The following SNX19 variants were observed in gnomAD, a reference collection of about 807,000 sequenced individuals.
SNX19 encodes sorting nexin 19.
A neutral mutation model predicts 85.2 loss-of-function variants in SNX19; 60 were observed. The observed-to-expected ratio is 0.70, with a 90% CI of 0.57 to 0.87. The LOEUF (loss-of-function observed/expected upper bound fraction) is 0.87. Ranked by LOEUF, SNX19 falls within the 40% of genes least tolerant of loss-of-function variation. SNX19 has a pLI of 0.00. For synonymous variants in SNX19, 520 were observed against 470.0 expected, an observed-to-expected ratio of 1.11 and a Z score of -1.38; for missense variants, 1,201 against 1,217.8, an observed-to-expected ratio of 0.99 and a Z score of 0.21.
At chr11:130,901,474 G>T (rs1012926678) in intron 8 of SNX19, among the ~76,000 whole-genome samples, 2 of 152,158 alleles carry the variant, frequency 1.3e-5, no homozygotes, top group Admixed American at 6.5e-5. Flanking sequence ...GGAAAAGTTA[G>T]GAACACATGG....
intron 8 of SNX19, chr11:130,893,869 C>T (rs1258094256): frequency 1.4e-6 from 1 of 699,878 alleles, no homozygotes. Context: ...TATTTCCCAC[C>T]AATTTACCCA....
rs1942826202 is a variant in SNX19, at chr11:130,867,674, CTGAGA to C, written c.*10743_*10747del. ...CAAATGAGGTGGAAGAAAATCTCTA[CTGAGA>C]TGAGATGCATTTTTAGGACAAACAT... On this transcript the variant is annotated 3_prime_UTR_variant, in exon 11 of 11. Transcript: ENST00000265909. 6.6e-6 allele frequency: 1 copy of C among 152,180 alleles called. No homozygotes were observed. The highest frequency in any genetic ancestry group is 2.1e-4 in the South Asian group (1 of 4,818). The allele number at this position is 152,180 out of a possible 1,614,324, so 9.4% of individuals were successfully genotyped here.
rs775063380 is a variant in SNX19 at position 130,915,406 on chromosome 11, C to G, written c.534G>C (p.Gly178=). 6.2e-7 allele frequency: 1 copy of G among 1,613,830 alleles called. No homozygotes were observed. The highest frequency in any genetic ancestry group is 1.3e-5 in the African/African-American group (1 of 74,942). The stretch of plus-strand genomic sequence containing the variant: ...GGGAAGGCTCAACTGGACCATTCTT[C>G]CCTGCAGTGGCCTCCTTTGCCTGAA... ...SYIQAKEATA[G]KNGPVEPSHL... The change falls in exon 1 of 11, where the codon GGG becomes GGC. Residue 178 remains glycine (G), a synonymous_variant. Coordinates refer to ENST00000265909, the MANE Select transcript of SNX19 (RefSeq NM_014758.3).
At chr11:130,885,218 C>T (rs1943972915) in intron 8 of SNX19, among the ~76,000 whole-genome samples, 1 of 152,158 alleles carries the variant, frequency 6.6e-6, no homozygotes, top group Admixed American at 6.5e-5. Flanking sequence ...CACATTTTGA[C>T]CCCAAGACAT....
At chr11:130,895,954 C>T (rs931809500) in intron 8 of SNX19, among the ~76,000 whole-genome samples, 1 of 152,210 alleles carries the variant, frequency 6.6e-6, no homozygotes, top group Non-Finnish European at 1.5e-5. Context: ...AAGTCAAGAG[C>T]TTCCCTTTGG....
intron 8 of SNX19, among the ~76,000 whole-genome samples, chr11:130,897,685 C>A (rs905666089): frequency 5.9e-5 from 9 of 152,194 alleles, no homozygotes; most frequent in South Asian, 2.1e-4. Flanking sequence ...AAACCCCCTA[C>A]CATCAATGCA....
chr11:130,888,426 A>G (rs1944244007), intron 8 of SNX19, among the ~76,000 whole-genome samples: 1 of 152,204 alleles, frequency 6.6e-6, no homozygotes, highest in African/African-American at 2.4e-5. Context: ...GACTAGCCAC[A>G]AATTACTTAA....
In SNX19 at chr11:130,911,194, C is replaced by CAA. The variant is rs540152421; in HGVS notation, c.1813+437_1813+438dup. Among the ~76,000 whole-genome samples, 78 of 81,028 alleles carry CAA rather than the reference C, an allele frequency of 9.6e-4. 3 individuals are homozygous for CAA. The highest frequency in any genetic ancestry group is 6.2e-3 in the Middle Eastern group (1 of 162). The allele number at this position is 81,028 out of a possible 152,430, so 53.2% of individuals were successfully genotyped here. On this transcript the variant is annotated intron_variant, in intron 2 of 10. Transcript: ENST00000265909. The stretch of plus-strand genomic sequence containing the variant: ...TGGGGGACAGAGCGAGACTCCATGT[C>CAA]AAAAAAAAAAAAAAAAGGTTCCCCA...
At chr11:130,885,140 T>TG (rs1160608807) in intron 8 of SNX19, among the ~76,000 whole-genome samples, 1 of 152,110 alleles carries the variant, frequency 6.6e-6, no homozygotes, top group East Asian at 1.9e-4. Flanking sequence ...CATCTCTGAA[T>TG]GATTCAGAGC....
At chr11:130,878,991 G>A (rs1013146025) in intron 10 of SNX19, among the ~76,000 whole-genome samples, 10 of 152,148 alleles carry the variant, frequency 6.6e-5, no homozygotes, top group African/African-American at 2.2e-4. Context: ...GTCTACTTTG[G>A]GGTAGGGTTT....
chr11:130,890,737 T>C (rs1392623821), intron 8 of SNX19, among the ~76,000 whole-genome samples: 1 of 152,174 alleles, frequency 6.6e-6, no homozygotes, highest in Non-Finnish European at 1.5e-5. Flanking sequence ...TGTCATCTAC[T>C]ATAAGCCTTC....
At chr11:130,890,882 A>AT (rs11423093) in intron 8 of SNX19, among the ~76,000 whole-genome samples, 147,968 of 147,992 alleles carry the variant, frequency 1, 73,972 homozygotes, top group Middle Eastern at 1. Context: ...TATGGTAGGG[A>AT]TTTGGGTCTT....
At chr11:130,898,587 G>A (rs558863086) in intron 8 of SNX19, among the ~76,000 whole-genome samples, 11 of 152,274 alleles carry the variant, frequency 7.2e-5, no homozygotes, top group African/African-American at 2.6e-4. Context: ...GGGAGGCAAC[G>A]GGACCTCATA....
Position 130,915,567 on chromosome 11 carries a change from G to C in SNX19, c.373C>G (p.Pro125Ala), listed in dbSNP as rs779453103. The change falls in exon 1 of 11, where the codon CCA (proline) becomes GCA (alanine). Residue 125 changes from proline (P) to alanine (A), a missense_variant. By Grantham distance (27) the Pro-to-Ala change is conservative (BLOSUM62 -1). Around this residue, in one of 3 missense-constraint regions of SNX19, gnomAD observed 791 missense variants for 750.9 expected, o/e 1.05. Transcript: ENST00000265909. ...LSWYRSVSQEPAFEEEMEAAM... is the reference protein window; with the variant it reads ...LSWYRSVSQEAAFEEEMEAAM... ...GCCTCCATTTCTTCCTCAAAGGCTG[G>C]CTCCTGGCTCACGGAACGGTACCAA... 1 of 1,614,228 alleles carries C rather than the reference G, an allele frequency of 6.2e-7. No individual in the cohort carries two copies. The highest frequency in any genetic ancestry group is 8.5e-7 in the Non-Finnish European group (1 of 1,180,036).
intron 8 of SNX19, chr11:130,895,169 G>C (rs943621061): frequency 2.0e-6 from 2 of 985,458 alleles, no homozygotes; most frequent in Non-Finnish European, 2.4e-6. Flanking sequence ...TTGGAAAGGA[G>C]AGAGCCATTA....
At chr11:130,883,786 A>C (rs555177877) in intron 8 of SNX19, among the ~76,000 whole-genome samples, 8 of 152,328 alleles carry the variant, frequency 5.3e-5, no homozygotes, top group Non-Finnish European at 1.0e-4. Flanking sequence ...TCTTGTTCAC[A>C]GAACTTCTGA....
At chr11:130,907,576 T>C (rs910346152) in intron 5 of SNX19, among the ~76,000 whole-genome samples, 1 of 152,166 alleles carries the variant, frequency 6.6e-6, no homozygotes, top group Non-Finnish European at 1.5e-5. Flanking sequence ...TGAGCCAAGA[T>C]TTCCAGAAAT....
intron 8 of SNX19, among the ~76,000 whole-genome samples, chr11:130,888,587 C>T (rs1944261142): frequency 6.6e-6 from 1 of 152,182 alleles, no homozygotes; most frequent in African/African-American, 2.4e-5. Context: ...TAGGGTTCCC[C>T]ATTGCCCTTC....
At chr11:130,891,844 T>TCC (rs1436026989) in intron 8 of SNX19, among the ~76,000 whole-genome samples, 2 of 98,466 alleles carry the variant, frequency 2.0e-5, no homozygotes, top group Non-Finnish European at 4.6e-5. Context: ...TGAAAGTTTT[T>TCC]TCTTTTTTTT....
Sources: allele counts gnomAD v4.1 joint callset (sites outside exome capture counted in the v4.1 genomes callset), GRCh38; gene constraint gnomAD v4.1.1; regional missense constraint gnomAD v4.1.1; transcripts MANE v1.5; gene names NCBI Gene and HGNC (gene_info 2026-07-23, HGNC 2026-07-21).